Variants in IQCM observed in about 807,000 individuals in gnomAD.
The protein encoded by IQCM is IQ domain-containing protein M.
Under a neutral mutation model 57.6 loss-of-function variants are expected in IQCM, and 45 were observed. The ratio of observed to expected loss-of-function variants is 0.78; its 90% confidence interval spans 0.62 to 1.00. The LOEUF is 1.00. Among genes scored for constraint, IQCM ranks in the 50% least tolerant of loss-of-function variants. The pLI, the probability that IQCM is intolerant of heterozygous loss-of-function variation, is 0.00. For missense variants in IQCM, 468 were observed against 511.6 expected (o/e 0.91, Z 0.82); for synonymous variants, 148 against 158.9 (o/e 0.93, Z 0.51).
intron 5 of IQCM, among the ~76,000 whole-genome samples, chr4:149,694,448 T>C (rs935337867): frequency 6.6e-6 from 1 of 152,022 alleles, no homozygotes; most frequent in Non-Finnish European, 1.5e-5. Flanking sequence ...CTTTCTCGGA[T>C]ACTTTCTCAG....
rs931941722 is a variant in IQCM at position 149,461,695 on chromosome 4, C to T, written c.1229-28138G>A. 8.0e-5 allele frequency among the ~76,000 whole-genome samples: 12 copies of T among 149,434 alleles called. No individual in the cohort carries two copies. In the East Asian group the frequency reaches 2.3e-3, roughly 29 times the overall value. ...AAGAAGAAGAAAGAAAGAAAAAGAA[C>T]ATGAAAAAAAATCACCTTTGATTGT... On this transcript the variant is annotated intron_variant, in intron 12 of 13. Coordinates refer to ENST00000636793, the MANE Select transcript of IQCM (RefSeq NM_001363507.2).
At chr4:149,462,136 A>G (rs1482397324) in intron 12 of IQCM, among the ~76,000 whole-genome samples, 2 of 152,124 alleles carry the variant, frequency 1.3e-5, no homozygotes, top group Admixed American at 6.5e-5. Flanking sequence ...AATGTTCTGT[A>G]TCTGTGCTGC....
At chr4:149,408,524 A>G (rs1311215572) in intron 13 of IQCM, among the ~76,000 whole-genome samples, 1 of 152,200 alleles carries the variant, frequency 6.6e-6, no homozygotes, top group Non-Finnish European at 1.5e-5. Context: ...CAATTTTAAG[A>G]AACAGCTTTA....
intron 12 of IQCM, among the ~76,000 whole-genome samples, chr4:149,483,475 A>G (rs1264762287): frequency 1.3e-5 from 2 of 151,774 alleles, no homozygotes; most frequent in Non-Finnish European, 2.9e-5. Context: ...AGTTTCCATT[A>G]CTAACTGTTT....
intron 2 of IQCM, among the ~76,000 whole-genome samples, chr4:149,747,984 G>C (rs1270791565): frequency 6.6e-6 from 1 of 152,220 alleles, no homozygotes; most frequent in African/African-American, 2.4e-5. Context: ...TTGCCAAAGT[G>C]ATCTGAAGCA....
chr4:149,386,073 G>A (rs1731402331), intron 13 of IQCM, among the ~76,000 whole-genome samples: 1 of 151,994 alleles, frequency 6.6e-6, no homozygotes, highest in African/African-American at 2.4e-5. Flanking sequence ...AGTCGTAATA[G>A]TAGGACTTAG....
At chr4:149,632,245 TG>T (rs1561082907) in intron 7 of IQCM, among the ~76,000 whole-genome samples, 1 of 152,232 alleles carries the variant, frequency 6.6e-6, no homozygotes, top group Non-Finnish European at 1.5e-5. Context: ...CCTGAACGTT[TG>T]GCTTTCCAGA....
chr4:149,358,702 G>A (rs67689828), intron 13 of IQCM, among the ~76,000 whole-genome samples: 42,536 of 151,518 alleles, frequency 0.28, 6,119 homozygotes, highest in Middle Eastern at 0.33. Flanking sequence ...GAAGAAAAAT[G>A]CAAAAGCCAA....
intron 8 of IQCM, among the ~76,000 whole-genome samples, chr4:149,601,551 T>C (rs896728487): frequency 6.6e-6 from 1 of 152,142 alleles, no homozygotes; most frequent in Admixed American, 6.5e-5. Context: ...TAGGATAATA[T>C]TGTTTCCACA....
chr4:149,497,795 C>T (rs867760143), intron 12 of IQCM, among the ~76,000 whole-genome samples: 1 of 150,016 alleles, frequency 6.7e-6, no homozygotes, highest in East Asian at 2.0e-4. Context: ...CAAAAAGAAC[C>T]TATATATATT....
chr4:149,728,595 G>A (rs1766175531), intron 5 of IQCM, among the ~76,000 whole-genome samples: 2 of 152,114 alleles, frequency 1.3e-5, no homozygotes, highest in African/African-American at 2.4e-5. Flanking sequence ...ACATTGGGAG[G>A]AGAACACATA....
intron 12 of IQCM, among the ~76,000 whole-genome samples, chr4:149,500,868 G>A (rs1743169526): frequency 6.6e-6 from 1 of 152,066 alleles, no homozygotes; most frequent in East Asian, 1.9e-4. Flanking sequence ...AAAATCACAT[G>A]ATATTTTAGG....
intron 3 of IQCM, among the ~76,000 whole-genome samples, chr4:149,741,797 A>G (rs1426605436): frequency 6.6e-6 from 1 of 152,216 alleles, no homozygotes; most frequent in Non-Finnish European, 1.5e-5. Flanking sequence ...AGTTGCTGAG[A>G]GAAATCTTAA....
At chr4:149,640,379 C>G (rs1426334742) in intron 7 of IQCM, among the ~76,000 whole-genome samples, 1 of 152,138 alleles carries the variant, frequency 6.6e-6, no homozygotes, top group Middle Eastern at 3.2e-3. Context: ...ACACTTTATT[C>G]TAAACACAGT....
At chr4:149,448,569 T>A (rs2111384203) in intron 12 of IQCM, among the ~76,000 whole-genome samples, 1 of 151,444 alleles carries the variant, frequency 6.6e-6, no homozygotes, top group East Asian at 1.9e-4. Context: ...AAAATATTAT[T>A]TAAGATCAAT....
At chr4:149,783,107 T>G (rs79529719) in intron 2 of IQCM, among the ~76,000 whole-genome samples, 1,897 of 152,282 alleles carry the variant, frequency 0.012, 47 homozygotes, top group African/African-American at 0.043. Flanking sequence ...TACTCCACAT[T>G]CATCTATCTA....
chr4:149,373,798 C>A (rs1359194986), intron 13 of IQCM, among the ~76,000 whole-genome samples: 1 of 151,998 alleles, frequency 6.6e-6, no homozygotes, highest in Non-Finnish European at 1.5e-5. Context: ...AGATCTAGAA[C>A]ACTGAGAAAT....
intron 12 of IQCM, among the ~76,000 whole-genome samples, chr4:149,489,517 C>T (rs1359634103): frequency 6.6e-6 from 1 of 151,834 alleles, no homozygotes; most frequent in Non-Finnish European, 1.5e-5. Flanking sequence ...TACTTAACTC[C>T]AGAATGAGGC....
intron 7 of IQCM, among the ~76,000 whole-genome samples, chr4:149,680,100 A>G (rs1193553538): frequency 6.6e-6 from 1 of 151,456 alleles, no homozygotes; most frequent in Non-Finnish European, 1.5e-5. Flanking sequence ...AAAATAAAAT[A>G]AAAACTTCCT....
Sources: gnomAD v4.1 joint callset for allele counts (sites outside exome capture counted in the v4.1 genomes callset) on GRCh38, gnomAD v4.1.1 for gene constraint, MANE v1.5 for transcripts, NCBI Gene and HGNC (gene_info 2026-07-23, HGNC 2026-07-21) for gene names.